PHLPP2: variants seen among roughly 807,000 people sequenced by gnomAD.
PHLPP2 encodes the protein PH domain and leucine rich repeat protein phosphatase 2.
PHLPP2 carries 66 observed loss-of-function variants against 124.9 expected under a neutral mutation model. The observed-to-expected ratio is 0.53, with a 90% CI of 0.43 to 0.65. PHLPP2 has a LOEUF of 0.65. Among genes scored for constraint, PHLPP2 ranks in the 30% least tolerant of loss-of-function variants. PHLPP2 has a pLI of 0.00. For synonymous variants in PHLPP2, 681 were observed against 624.7 expected (o/e 1.09, Z -1.34); for missense variants, 1,685 against 1,600.4 (o/e 1.05, Z -0.90).
chr16:71,705,728 T>C (rs921326390), intron 2 of PHLPP2, among the ~76,000 whole-genome samples: 3 of 152,166 alleles, frequency 2.0e-5, no homozygotes, highest in African/African-American at 7.2e-5. Context: ...GCCAGGCTGC[T>C]CTCAAACCCC....
rs1392487238 is a variant in PHLPP2, at chr16:71,648,763, T to C, written c.*127A>G. ...TCCAGCCTGAGCGACTGAGCAAGAC[T>C]CCGTCTCAAAACAAACAAACAAAAA... On this transcript the variant is annotated 3_prime_UTR_variant, in exon 19 of 19. Transcript: ENST00000568954. The C allele has an allele frequency of 2.7e-6, 2 of 727,618 alleles. No individual in the cohort carries two copies. The highest frequency in any genetic ancestry group is 1.8e-5 in the African/African-American group (1 of 56,398). The allele number at this position is 727,618 out of a possible 1,614,324, so 45.1% of individuals were successfully genotyped here.
At chr16:71,668,197 G>T (rs2044856009) in intron 11 of PHLPP2, among the ~76,000 whole-genome samples, 1 of 151,224 alleles carries the variant, frequency 6.6e-6, no homozygotes, top group Admixed American at 6.6e-5. Flanking sequence ...AGATCACAAA[G>T]TCAGGAGATC....
In PHLPP2 at chr16:71,679,520, C is replaced by G. The variant is rs2044977505; in HGVS notation, c.906G>C (p.Lys302Asn). ...LDTLYKFSQL[K>N]GLNLSHNKLG... Reference sequence around the variant, plus strand: ...GTTTATTATGGGACAAGTTCAGGCCCTTCAGTTGAGAAAATCTAAAGAGCA... The same window carrying G: ...GTTTATTATGGGACAAGTTCAGGCCGTTCAGTTGAGAAAATCTAAAGAGCA... Residue 302 changes from lysine to asparagine, a missense_variant, in exon 7 of 19, where the codon AAG (lysine) becomes AAC (asparagine). Transcript: ENST00000568954. 6.2e-7 allele frequency: 1 copy of G among 1,613,784 alleles called. No homozygotes were observed. The highest frequency in any genetic ancestry group is 8.5e-7 in the Non-Finnish European group (1 of 1,179,916).
rs1250035908 is a variant in PHLPP2, at chr16:71,678,853, G to C, written c.1170C>G (p.Leu390=). The C allele has an allele frequency of 2.2e-5, 35 of 1,611,978 alleles. No homozygotes were observed. The highest frequency in any genetic ancestry group is 2.9e-5 in the Non-Finnish European group (34 of 1,178,106). ...FSQIPEVYEK[L]TMLDRVVMAG... is the part of the protein sequence containing the mutation. ...CCATAACCACTCTATCTAACATAGT[G>C]AGTTTCTCATAAACCTCAGGAATTT... Residue 390 remains leucine (L), a synonymous_variant, in exon 8 of 19, where the codon CTC becomes CTG. Coordinates refer to ENST00000568954, the MANE Select transcript of PHLPP2 (RefSeq NM_015020.3).
intron 9 of PHLPP2, 89 bp downstream of exon 9, chr16:71,676,358 G>T: frequency 1.0e-6 from 1 of 959,832 alleles, no homozygotes; most frequent in Non-Finnish European, 1.6e-6. Context: ...CCTGCAGAGT[G>T]GCTGAGGAAC....
intron 3 of PHLPP2, among the ~76,000 whole-genome samples, chr16:71,693,073 G>A (rs1050550421): frequency 3.3e-5 from 5 of 152,084 alleles, no homozygotes; most frequent in South Asian, 2.1e-4. Flanking sequence ...GGCGGATCAC[G>A]AGGTCAGAAG....
chr16:71,698,998 C>T (rs1249879294), intron 3 of PHLPP2, among the ~76,000 whole-genome samples: 1 of 152,050 alleles, frequency 6.6e-6, no homozygotes, highest in East Asian at 1.9e-4. Context: ...AGCTGATGCA[C>T]CAAAAATTCT....
intron 3 of PHLPP2, among the ~76,000 whole-genome samples, chr16:71,693,993 G>C (rs2145358128): frequency 6.6e-6 from 1 of 152,252 alleles, no homozygotes; most frequent in South Asian, 2.1e-4. Flanking sequence ...AGGAGTTCAA[G>C]ACCAGTCTGG....
At chr16:71,683,361 GGAA>G (rs1310586587) in intron 5 of PHLPP2, among the ~76,000 whole-genome samples, 6 of 152,172 alleles carry the variant, frequency 3.9e-5, no homozygotes, top group Non-Finnish European at 7.3e-5. Flanking sequence ...TTGGCATATA[GGAA>G]TAATGGTTTG....
At position 71,690,604 on chromosome 16, in the gene PHLPP2, A is replaced by G. The variant is rs776358469; in HGVS notation, c.524T>C (p.Val175Ala). 4.3e-6 allele frequency: 7 copies of G among 1,612,016 alleles called. No homozygotes were observed. The highest frequency in any genetic ancestry group is 5.9e-6 in the Non-Finnish European group (7 of 1,178,172). The stretch of plus-strand genomic sequence containing the variant: ...AACGATAAGGCAGGTACCACAGAGG[A>G]CAACTAGGCGCTCAGCCCACTTATG... The part of the protein sequence containing the change: ...QLHKWAERLV[V>A]LCGTCLIVSS... Residue 175 changes from valine (V) to alanine (A), a missense_variant, in exon 4 of 19, where the codon GTC (valine) becomes GCC (alanine). Physicochemically the swap from Val to Ala is moderately conservative, Grantham distance 64 (BLOSUM62 0). Coordinates refer to ENST00000568954, the MANE Select transcript of PHLPP2 (RefSeq NM_015020.3).
rs767291779 is a variant in PHLPP2 at position 71,649,567 on chromosome 16, C to G, written c.3295G>C (p.Asp1099His). 1 of 1,614,180 alleles carries G rather than the reference C, an allele frequency of 6.2e-7. No homozygotes were observed. The highest frequency in any genetic ancestry group is 1.1e-5 in the South Asian group (1 of 91,086). Residue 1099 changes from aspartate (D) to histidine (H), a missense_variant, in exon 19 of 19, where the codon GAT becomes CAT. Coordinates refer to ENST00000568954, the MANE Select transcript of PHLPP2 (RefSeq NM_015020.3). ...VSSEVGSTAS[D>H]EHNAGGLDTA... ...TCCAGGCCCCCAGCATTATGCTCATCAGAAGCAGTGGACCCCACTTCACTG... is the reference window on the plus strand; with the variant it reads ...TCCAGGCCCCCAGCATTATGCTCATGAGAAGCAGTGGACCCCACTTCACTG...
chr16:71,666,350 T>C lies in PHLPP2; in HGVS notation c.1784+828A>G, dbSNP rs183260052. ...GAACAAAACGGTGAAACTGTGTCTC[T>C]ACAAAAAATAAAATTAGCCAGGTGT... On this transcript the variant is annotated intron_variant, in intron 12 of 18. Coordinates refer to ENST00000568954, the MANE Select transcript of PHLPP2 (RefSeq NM_015020.3). Among the ~76,000 whole-genome samples the C allele has an allele frequency of 2.6e-5, 4 of 152,254 alleles. No homozygotes were observed. The East Asian group carries it at 7.7e-4, about 29-fold the overall frequency.
At chr16:71,717,330 CAA>C (rs749401710) in intron 1 of PHLPP2, among the ~76,000 whole-genome samples, 5 of 151,996 alleles carry the variant, frequency 3.3e-5, no homozygotes, top group African/African-American at 7.2e-5. Flanking sequence ...AAAAGAAAAA[CAA>C]GAGTAAGAAT....
intron 4 of PHLPP2, among the ~76,000 whole-genome samples, chr16:71,690,023 C>T (rs1165794117): frequency 6.6e-6 from 1 of 152,108 alleles, no homozygotes. Context: ...TGTTTATGGT[C>T]ATTTGTCATT....
rs531154487 is a variant in PHLPP2 at position 71,701,216 on chromosome 16, A to G, written c.418+1382T>C. 5.3e-5 allele frequency among the ~76,000 whole-genome samples: 8 copies of G among 152,296 alleles called. No individual in the cohort carries two copies. The South Asian group carries it at 1.7e-3, about 32-fold the overall frequency. ...TAATTATTAAGTATTAATCATTTTA[A>G]GTCCTAACTTTTGAGGCAATTTGTT... is the stretch of plus-strand genomic sequence containing the variant. On this transcript the variant is annotated intron_variant, in intron 3 of 18. Transcript: ENST00000568954.
At chr16:71,668,272 C>T (rs1303921623) in intron 11 of PHLPP2, among the ~76,000 whole-genome samples, 3 of 151,662 alleles carry the variant, frequency 2.0e-5, no homozygotes, top group Non-Finnish European at 2.9e-5. Context: ...AAAATTTAGC[C>T]GGGCGTGGCA....
At position 71,652,895 on chromosome 16, in the gene PHLPP2, G is replaced by C. The variant is rs765204641; in HGVS notation, c.2712C>G (p.Val904=). 8 of 1,614,018 alleles carry C rather than the reference G, an allele frequency of 5.0e-6. No homozygotes were observed. The South Asian group carries it at 8.8e-5, about 18-fold the overall frequency. Reference sequence around the variant, plus strand: ...GCACTGGCTTCCCACCTCGGCACAGGACTGCTTGGCACGTGCCAACATTGG... The same window carrying C: ...GCACTGGCTTCCCACCTCGGCACAGCACTGCTTGGCACGTGCCAACATTGG... ...TVANVGTCQA[V]LCRGGKPVPL... Residue 904 remains valine, a synonymous_variant, in exon 18 of 19, where the codon GTC becomes GTG. Transcript: ENST00000568954.
chr16:71,669,245 TA>T (rs763642708), intron 11 of PHLPP2, 29 bp downstream of exon 11: 5 of 1,430,196 alleles, frequency 3.5e-6, no homozygotes, highest in Non-Finnish European at 4.9e-6. Flanking sequence ...TGTTAGTATA[TA>T]CATAATATAT....
intron 18 of PHLPP2, among the ~76,000 whole-genome samples, chr16:71,651,532 TA>T (rs951686685): frequency 6.6e-6 from 1 of 151,824 alleles, no homozygotes. Context: ...ACCTTGTCTC[TA>T]AAAAAAATAA....
Sources: gnomAD v4.1 joint callset for allele counts (sites outside exome capture counted in the v4.1 genomes callset) on GRCh38, gnomAD v4.1.1 for gene constraint, MANE v1.5 for transcripts, NCBI Gene and HGNC (gene_info 2026-07-23, HGNC 2026-07-21) for gene names.